Variants in CSMD1 observed in about 807,000 individuals in gnomAD.
CSMD1 encodes CUB and sushi domain-containing protein 1.
In CSMD1, 213 loss-of-function variants were observed where a neutral mutation model predicts 417.5. The observed-to-expected ratio is 0.51, with a 90% CI of 0.46 to 0.57. CSMD1 has a LOEUF of 0.57. Ranked by LOEUF, CSMD1 falls within the 20% of genes least tolerant of loss-of-function variation. The pLI, the probability that CSMD1 is intolerant of heterozygous loss-of-function variation, is 0.00. For missense variants in CSMD1, 6,923 were observed against 4,529.7 expected (o/e 1.53, Z -15.17); for synonymous variants, 2,862 against 1,736.8 (o/e 1.65, Z -16.11).
At chr8:4,800,738 C>G (rs529405232) in intron 1 of CSMD1, among the ~76,000 whole-genome samples, 1 of 152,180 alleles carries the variant, frequency 6.6e-6, no homozygotes, top group Non-Finnish European at 1.5e-5. Context: ...CTTAAGGCCT[C>G]TGGCCACTTT....
At chr8:4,601,026 G>A (rs532766307) in intron 2 of CSMD1, among the ~76,000 whole-genome samples, 1 of 147,194 alleles carries the variant, frequency 6.8e-6, no homozygotes, top group African/African-American at 2.5e-5. Context: ...GTGCCATCTC[G>A]GCTCACTGCA....
chr8:4,183,229 G>C (rs908843911), intron 3 of CSMD1, among the ~76,000 whole-genome samples: 5 of 152,080 alleles, frequency 3.3e-5, no homozygotes, highest in African/African-American at 7.2e-5. Flanking sequence ...AAATGGAGAA[G>C]ATCATCTCTA....
chr8:4,868,625 A>G (rs1425602936), intron 1 of CSMD1, among the ~76,000 whole-genome samples: 3 of 152,116 alleles, frequency 2.0e-5, no homozygotes, highest in East Asian at 1.9e-4. Flanking sequence ...GTGTTCAATC[A>G]TCTACTTAAT....
At chr8:4,872,489 C>G (rs999746785) in intron 1 of CSMD1, among the ~76,000 whole-genome samples, 3 of 152,062 alleles carry the variant, frequency 2.0e-5, no homozygotes, top group Admixed American at 1.3e-4. Context: ...CTGCCGCCTT[C>G]TGAAGAAGGC....
chr8:4,330,997 C>T (rs1477204447), intron 3 of CSMD1, among the ~76,000 whole-genome samples: 1 of 152,148 alleles, frequency 6.6e-6, no homozygotes, highest in Non-Finnish European at 1.5e-5. Context: ...CTTTGTGTTA[C>T]TGTGCCGTAA....
intron 17 of CSMD1, among the ~76,000 whole-genome samples, chr8:3,388,840 A>G (rs187423843): frequency 8.6e-5 from 13 of 151,092 alleles, no homozygotes; most frequent in Admixed American, 4.6e-4. Flanking sequence ...CTAGAAATCT[A>G]TTACCTACCA....
At chr8:3,089,732 GTCTA>G (rs908253551) in intron 48 of CSMD1, among the ~76,000 whole-genome samples, 12 of 140,086 alleles carry the variant, frequency 8.6e-5, no homozygotes, top group East Asian at 2.2e-4. Context: ...TATGACACGT[GTCTA>G]TCTATCTGCC....
At position 4,235,293 on chromosome 8, in the gene CSMD1, C is replaced by A. The variant is rs568744722; in HGVS notation, c.415+184660G>T. 2.6e-4 allele frequency among the ~76,000 whole-genome samples: 40 copies of A among 151,776 alleles called. No homozygotes were observed. The South Asian group carries it at 7.3e-3, about 28-fold the overall frequency. On this transcript the variant is annotated intron_variant, in intron 3 of 69. Transcript: ENST00000635120. The stretch of plus-strand genomic sequence containing the variant: ...ATCATAAAACTCACATACAAAAATG[C>A]ACTGGAAAAAAAGAAATTTTAAAAT...
At chr8:4,711,406 C>T (rs1428274662) in intron 1 of CSMD1, among the ~76,000 whole-genome samples, 2 of 152,002 alleles carry the variant, frequency 1.3e-5, no homozygotes, top group African/African-American at 4.8e-5. Context: ...ACCAGTGATT[C>T]TCAGAAGACA....
At chr8:3,341,124 G>C (rs1405487416) in intron 23 of CSMD1, among the ~76,000 whole-genome samples, 1 of 152,200 alleles carries the variant, frequency 6.6e-6, no homozygotes. Context: ...GGGAGCAATA[G>C]AGTCACAGTA....
intron 3 of CSMD1, among the ~76,000 whole-genome samples, chr8:4,273,712 G>T (rs1307694536): frequency 6.6e-6 from 1 of 152,132 alleles, no homozygotes; most frequent in Non-Finnish European, 1.5e-5. Flanking sequence ...TCAGTTAAAA[G>T]GATTTGTAGC....
chr8:4,905,188 T>A (rs898957925), intron 1 of CSMD1, among the ~76,000 whole-genome samples: 3 of 152,074 alleles, frequency 2.0e-5, no homozygotes, highest in African/African-American at 7.2e-5. Flanking sequence ...AAAAAAAAAG[T>A]TATATTTGAT....
intron 49 of CSMD1, among the ~76,000 whole-genome samples, chr8:3,082,103 T>C (rs1814145168): frequency 6.6e-6 from 1 of 152,198 alleles, no homozygotes; most frequent in African/African-American, 2.4e-5. Context: ...CTAAGTATTT[T>C]CAATACCTGT....
chr8:4,421,356 C>G (rs1385943032), intron 2 of CSMD1, among the ~76,000 whole-genome samples: 1 of 152,130 alleles, frequency 6.6e-6, no homozygotes, highest in Non-Finnish European at 1.5e-5. Context: ...TTATAGTACA[C>G]TTTACCCAGC....
At chr8:4,732,256 G>T (rs775856237) in intron 1 of CSMD1, among the ~76,000 whole-genome samples, 9 of 151,912 alleles carry the variant, frequency 5.9e-5, no homozygotes, top group African/African-American at 2.2e-4. Flanking sequence ...ACTGCATATG[G>T]TGTAATTGAA....
chr8:2,985,471 G>C (rs1039575703), intron 54 of CSMD1, among the ~76,000 whole-genome samples: 10 of 152,186 alleles, frequency 6.6e-5, no homozygotes, highest in African/African-American at 2.4e-4. Context: ...AGACTGGTGT[G>C]ATACTGCTAC....
At chr8:3,933,324 C>T (rs982157275) in intron 5 of CSMD1, among the ~76,000 whole-genome samples, 1 of 152,152 alleles carries the variant, frequency 6.6e-6, no homozygotes, top group Non-Finnish European at 1.5e-5. Flanking sequence ...CTGAAGCTTT[C>T]ATTAAATTAC....
At chr8:4,708,626 T>G (rs556803108) in intron 1 of CSMD1, among the ~76,000 whole-genome samples, 11 of 152,122 alleles carry the variant, frequency 7.2e-5, no homozygotes, top group Non-Finnish European at 1.2e-4. Context: ...AATGGTTAAA[T>G]TTCTAGTGTT....
At chr8:4,449,781 T>C (rs1799023731) in intron 2 of CSMD1, among the ~76,000 whole-genome samples, 1 of 152,014 alleles carries the variant, frequency 6.6e-6, no homozygotes, top group African/African-American at 2.4e-5. Context: ...AGCAGCTATG[T>C]TTGGGCATTT....
Sources: allele counts gnomAD v4.1 joint callset (sites outside exome capture counted in the v4.1 genomes callset), GRCh38; gene constraint gnomAD v4.1.1; transcripts MANE v1.5; gene names NCBI Gene and HGNC (gene_info 2026-07-23, HGNC 2026-07-21).